The following RFC2 variants were observed in gnomAD, a reference collection of about 807,000 sequenced individuals.
The protein encoded by RFC2 is replication factor C subunit 2, also known as A1 40 kDa subunit.
In RFC2, 34 loss-of-function variants were observed where a neutral mutation model predicts 44.8. The observed-to-expected ratio is 0.76, with a 90% CI of 0.58 to 1.01. RFC2 has a LOEUF of 1.01. Ranked by LOEUF, RFC2 falls within the 50% of genes least tolerant of loss-of-function variation. RFC2 has a pLI of 0.00. For synonymous variants in RFC2, 177 were observed against 168.9 expected (o/e 1.05, Z -0.37); for missense variants, 400 against 453.6 (o/e 0.88, Z 1.07).
intron 1 of RFC2, 44 bp downstream of exon 1, chr7:74,254,227 C>A: frequency 6.9e-7 from 1 of 1,442,504 alleles, no homozygotes; most frequent in Non-Finnish European, 9.7e-7. Flanking sequence ...ACTCGCCCAC[C>A]CTCACGTCCA....
At chr7:74,249,296 T>G in intron 3 of RFC2, 178 bp from the exon 4 acceptor site, 2 of 1,190,398 alleles carry the variant, frequency 1.7e-6, no homozygotes, top group Non-Finnish European at 2.3e-6. Flanking sequence ...ATCCCAGCAC[T>G]TTGGGAGGCC....
chr7:74,252,625 T>C (rs782491148), intron 1 of RFC2, 127 bp from the exon 2 acceptor site: 4 of 683,494 alleles, frequency 5.9e-6, no homozygotes, highest in East Asian at 2.7e-5. Flanking sequence ...TGCCAAATGG[T>C]TGCAAGTTTT....
intron 5 of RFC2, among the ~76,000 whole-genome samples, chr7:74,243,787 T>G (rs1178448053): frequency 1.3e-5 from 2 of 149,330 alleles, no homozygotes; most frequent in Non-Finnish European, 3.0e-5. Context: ...AAGTAAGACC[T>G]CTATTTCTAC....
chr7:74,235,238 T>C (rs1052700821), intron 10 of RFC2, among the ~76,000 whole-genome samples: 1 of 152,210 alleles, frequency 6.6e-6, no homozygotes, highest in Non-Finnish European at 1.5e-5. Flanking sequence ...GGCTTTGCCA[T>C]GTTGGCCAGG....
chr7:74,254,376 A>G lies in RFC2; in HGVS notation c.8T>C (p.Val3Ala), dbSNP rs782454513. The change falls in exon 1 of 11, where the codon GTG (valine) becomes GCG (alanine). Residue 3 changes from valine (V) to alanine (A), a missense_variant. Val to Ala is a moderately conservative substitution (Grantham distance 64, BLOSUM62 0). Transcript: ENST00000055077. ME[V>A]EAVCGGAGEV... is the part of the protein sequence containing the mutation. ...GCCCGCGCCACCACAGACGGCCTCC[A>G]CCTCCATTCTCGCGCCTCCTCTTCC... 6.9e-6 allele frequency: 11 copies of G among 1,597,388 alleles called. No homozygotes were observed. Among genetic ancestry groups the G allele is most frequent in the Admixed American group, 6.8e-5 (4 of 58,986 alleles).
intron 6 of RFC2, among the ~76,000 whole-genome samples, chr7:74,242,616 C>T (rs1166545471): frequency 3.9e-5 from 6 of 151,922 alleles, no homozygotes; most frequent in Admixed American, 2.6e-4. Flanking sequence ...ACTCTTCCAG[C>T]GCTAAAGAGC....
At chr7:74,246,989 TTC>T (rs1554720174) in intron 4 of RFC2, among the ~76,000 whole-genome samples, 3,482 of 150,756 alleles carry the variant, frequency 0.023, 122 homozygotes, top group African/African-American at 0.08. Flanking sequence ...TTTTTTTTTT[TTC>T]TTCAGACAGG....
At chr7:74,250,776 G>A (rs1786885861) in intron 2 of RFC2, among the ~76,000 whole-genome samples, 1 of 151,872 alleles carries the variant, frequency 6.6e-6, no homozygotes, top group Non-Finnish European at 1.5e-5. Context: ...CTTTCCTAAA[G>A]TACACACCTA....
At chr7:74,246,633 G>A (rs1321223699) in intron 5 of RFC2, 29 bp downstream of exon 5, 1 of 1,425,618 alleles carries the variant, frequency 7.0e-7, no homozygotes, top group Non-Finnish European at 9.8e-7. Context: ...AGAGATCAAG[G>A]TCAAAATACA....
At chr7:74,233,994 T>C (rs1802872093) in intron 10 of RFC2, 1 of 444,392 alleles carries the variant, frequency 2.3e-6, no homozygotes, top group African/African-American at 2.0e-5. Flanking sequence ...TTCACACTAA[T>C]CCATATATGC....
At chr7:74,252,080 CAG>C (rs1328042429) in intron 2 of RFC2, among the ~76,000 whole-genome samples, 1 of 112,854 alleles carries the variant, frequency 8.9e-6, no homozygotes, top group Non-Finnish European at 1.7e-5. Context: ...GCCTGGGCGA[CAG>C]AGGGAGGCTC....
At position 74,238,930 on chromosome 7, in the gene RFC2, A is replaced by G. The variant is rs1310310294; in HGVS notation, c.752T>C (p.Val251Ala). The G allele has an allele frequency of 3.7e-6, 6 of 1,613,644 alleles. No homozygotes were observed. In the African/African-American group the frequency reaches 8.0e-5, roughly 22 times the overall value. Residue 251 changes from valine (V) to alanine (A), a missense_variant, in exon 8 of 11, where the codon GTG (valine) becomes GCG (alanine). Val to Ala is a moderately conservative substitution (Grantham distance 64). Coordinates refer to ENST00000055077, the MANE Select transcript of RFC2 (RefSeq NM_181471.3). This position sits in a 1 kb window ranked among gnomAD's most constrained non-coding sequence, Gnocchi z 4.0. Reference protein sequence around the residue: ...SGFGFINSENVFKVCDEPHPL... With the variant: ...SGFGFINSENAFKVCDEPHPL... ...CCACACTAGCGCTTGTACCTTGAAC[A>G]CGTTCTCACTGTTAATGAAGCCAAA...
chr7:74,240,444 G>C (rs961628529), intron 6 of RFC2, among the ~76,000 whole-genome samples: 11 of 149,888 alleles, frequency 7.3e-5, no homozygotes, highest in Admixed American at 6.0e-4. Context: ...GGAGGCTGAA[G>C]TGAGCCAAGA....
At chr7:74,245,033 T>A (rs1002910839) in intron 5 of RFC2, among the ~76,000 whole-genome samples, 5 of 151,698 alleles carry the variant, frequency 3.3e-5, no homozygotes, top group Non-Finnish European at 7.4e-5. Flanking sequence ...ATTTCAATTT[T>A]TTTTTTTTTT....
chr7:74,240,176 G>C, intron 6 of RFC2, 81 bp from the exon 7 acceptor site: 1 of 1,341,632 alleles, frequency 7.5e-7, no homozygotes, highest in South Asian at 1.3e-5. Flanking sequence ...TAAGGCTGCA[G>C]CTGCACAATC....
chr7:74,246,904 T>TTTA lies in RFC2; in HGVS notation c.333-144_333-142dup, dbSNP rs1223332931. 6.0e-6 allele frequency: 3 copies of TTTA among 503,372 alleles called. No individual in the cohort carries two copies. In the African/African-American group the frequency reaches 6.1e-5, roughly 10 times the overall value. 31.2% of individuals were successfully genotyped at this position (503,372 alleles called of 1,614,324 possible). A position where few individuals can be genotyped will look rare whatever the true frequency, so the allele number is the denominator to read the frequency against. Reference sequence around the variant, plus strand: ...TTTTTTTGGGGGGCAATTGTAACTATTTATAAGGATTGAGATTTTATGGCA... The same window carrying TTTA: ...TTTTTTTGGGGGGCAATTGTAACTATTTATTATAAGGATTGAGATTTTATGGCA... On this transcript the variant is annotated intron_variant, in intron 4 of 10. Transcript: ENST00000055077.
chr7:74,240,174 C>T (rs1191022283), intron 6 of RFC2, 79 bp from the exon 7 acceptor site: 13 of 1,351,492 alleles, frequency 9.6e-6, no homozygotes, highest in Non-Finnish European at 1.3e-5. Context: ...CATAAGGCTG[C>T]AGCTGCACAA....
intron 2 of RFC2, 108 bp from the exon 3 acceptor site, chr7:74,249,888 A>C (rs555040751): frequency 2.1e-6 from 2 of 933,884 alleles, no homozygotes; most frequent in Non-Finnish European, 1.8e-6. Context: ...GCTGAGCACA[A>C]TGGCTCAGGC....
At chr7:74,237,864 C>T (rs1162895324) in intron 8 of RFC2, among the ~76,000 whole-genome samples, 1 of 152,204 alleles carries the variant, frequency 6.6e-6, no homozygotes, top group Non-Finnish European at 1.5e-5. Flanking sequence ...AAAGGTCCCC[C>T]AGCCTCAGCC....
Sources: gnomAD v4.1 joint callset for allele counts (sites outside exome capture counted in the v4.1 genomes callset) on GRCh38, gnomAD v4.1.1 for gene constraint, Gnocchi (gnomAD v3.1) non-coding constraint, MANE v1.5 for transcripts, NCBI Gene and HGNC (gene_info 2026-07-23, HGNC 2026-07-21) for gene names.